Variants in DOCK4 observed in about 807,000 individuals in gnomAD.
DOCK4 encodes dedicator of cytokinesis protein 4.
In DOCK4, 97 loss-of-function variants were observed where a neutral mutation model predicts 268.1. The ratio of observed to expected loss-of-function variants is 0.36; its 90% CI spans 0.31 to 0.43. DOCK4 has a LOEUF of 0.43. Ranked by LOEUF, DOCK4 falls within the 20% of genes least tolerant of loss-of-function variation. DOCK4 has a pLI of 1.00. For missense variants in DOCK4, 2,145 were observed against 2,455.7 expected, an observed-to-expected ratio of 0.87 and a Z score of 2.67; for synonymous variants, 954 against 887.2, an observed-to-expected ratio of 1.08 and a Z score of -1.34.
intron 16 of DOCK4, among the ~76,000 whole-genome samples, chr7:111,883,500 C>G (rs1807590223): frequency 6.6e-6 from 1 of 152,138 alleles, no homozygotes; most frequent in Admixed American, 6.6e-5. Context: ...AAATTCTGCC[C>G]CTGTAAACAT....
chr7:111,960,275 A>G (rs1796763773), intron 8 of DOCK4, among the ~76,000 whole-genome samples: 3 of 151,380 alleles, frequency 2.0e-5, no homozygotes, highest in Admixed American at 1.3e-4. Flanking sequence ...GAGGCAGGAG[A>G]ATCGCTTGAA....
chr7:111,729,840 T>C (rs1794947208), intron 52 of DOCK4, among the ~76,000 whole-genome samples: 1 of 152,226 alleles, frequency 6.6e-6, no homozygotes, highest in Non-Finnish European at 1.5e-5. Flanking sequence ...TGAGCTGAAC[T>C]GGCGAACTGG....
chr7:111,836,416 A>G (rs1464844225), intron 25 of DOCK4, among the ~76,000 whole-genome samples: 1 of 152,156 alleles, frequency 6.6e-6, no homozygotes, highest in Non-Finnish European at 1.5e-5. Context: ...AAGCTCAGAT[A>G]TTTTTTAGAA....
intron 51 of DOCK4, among the ~76,000 whole-genome samples, chr7:111,732,994 G>A (rs1795206889): frequency 6.6e-6 from 1 of 152,214 alleles, no homozygotes; most frequent in Non-Finnish European, 1.5e-5. Context: ...CACTGTTCCT[G>A]TGTGCATGCT....
At chr7:112,053,294 A>C (rs1232655828) in intron 1 of DOCK4, among the ~76,000 whole-genome samples, 1 of 152,210 alleles carries the variant, frequency 6.6e-6, no homozygotes, top group Non-Finnish European at 1.5e-5. Context: ...GCAAGGTGCC[A>C]CAATCAGACT....
intron 23 of DOCK4, among the ~76,000 whole-genome samples, chr7:111,849,326 A>T (rs1177729876): frequency 6.8e-6 from 1 of 146,714 alleles, no homozygotes; most frequent in Non-Finnish European, 1.5e-5. Context: ...GCAGTGGTGC[A>T]ATCTTGGCTC....
chr7:111,821,041 A>G (rs1720394909), intron 27 of DOCK4: 1 of 152,194 alleles, frequency 6.6e-6, no homozygotes, highest in South Asian at 2.1e-4. Flanking sequence ...AACACTCTCA[A>G]TCTTCAAAAT....
intron 12 of DOCK4, among the ~76,000 whole-genome samples, chr7:111,929,372 A>C (rs924113701): frequency 6.6e-6 from 1 of 152,110 alleles, no homozygotes; most frequent in African/African-American, 2.4e-5. Context: ...TCTACAAATT[A>C]GTTGAAAAAA....
intron 1 of DOCK4, among the ~76,000 whole-genome samples, chr7:112,076,070 T>G (rs2135694906): frequency 6.6e-6 from 1 of 152,322 alleles, no homozygotes; most frequent in East Asian, 1.9e-4. Flanking sequence ...AGACCTAAAA[T>G]ATTTGTTGAC....
chr7:111,884,483 C>T (rs560102632), intron 16 of DOCK4, among the ~76,000 whole-genome samples: 1 of 152,272 alleles, frequency 6.6e-6, no homozygotes, highest in East Asian at 1.9e-4. Context: ...TTAATTCAAA[C>T]ATTTTTAATT....
At chr7:111,960,351 G>A (rs1168627026) in intron 8 of DOCK4, among the ~76,000 whole-genome samples, 10 of 147,528 alleles carry the variant, frequency 6.8e-5, no homozygotes, top group South Asian at 2.1e-4. Flanking sequence ...GCAACAGAGC[G>A]AGGCTCTGTC....
intron 1 of DOCK4, among the ~76,000 whole-genome samples, chr7:112,169,410 T>C (rs1347163970): frequency 6.6e-6 from 1 of 152,176 alleles, no homozygotes; most frequent in Admixed American, 6.5e-5. Flanking sequence ...AATGAAACTT[T>C]AAACACAAAA....
chr7:111,918,379 A>G (rs533876568), intron 12 of DOCK4, among the ~76,000 whole-genome samples: 1 of 152,292 alleles, frequency 6.6e-6, no homozygotes, highest in South Asian at 2.1e-4. Flanking sequence ...ACTCTGAGTT[A>G]GGTGACCGAT....
At chr7:111,842,355 T>G (rs1586149166) in intron 25 of DOCK4, among the ~76,000 whole-genome samples, 1 of 152,152 alleles carries the variant, frequency 6.6e-6, no homozygotes, top group Non-Finnish European at 1.5e-5. Context: ...AAAGAAAAAG[T>G]CCCAAAAAAC....
At chr7:111,927,476 T>C (rs1449161528) in intron 12 of DOCK4, among the ~76,000 whole-genome samples, 2 of 152,220 alleles carry the variant, frequency 1.3e-5, no homozygotes, top group Admixed American at 1.3e-4. Context: ...GGAGAGGGGC[T>C]TCTCCACATT....
At chr7:111,762,762 C>CTTTTTTTTTTTTTTGTTTTTTTTTTTT (rs1797509830) in intron 39 of DOCK4, among the ~76,000 whole-genome samples, 1 of 63,068 alleles carries the variant, frequency 1.6e-5, no homozygotes, top group African/African-American at 5.5e-5. Context: ...GTTTTGTTTT[C>CTTTTTTTTTTTTTTGTTTTTTTTTTTT]TTTTTTTTTT....
At chr7:111,952,842 T>A (rs1158502150) in intron 8 of DOCK4, among the ~76,000 whole-genome samples, 1 of 152,218 alleles carries the variant, frequency 6.6e-6, no homozygotes, top group Admixed American at 6.5e-5. Flanking sequence ...AACTGTCATT[T>A]TTTTTATACT....
intron 23 of DOCK4, among the ~76,000 whole-genome samples, chr7:111,853,518 C>T (rs540423750): frequency 5.1e-4 from 78 of 152,310 alleles, no homozygotes; most frequent in Admixed American, 4.1e-3. Context: ...GTCGCAAAAC[C>T]TGCAAACAAG....
At chr7:112,162,538 C>T (rs1288760270) in intron 1 of DOCK4, among the ~76,000 whole-genome samples, 2 of 150,860 alleles carry the variant, frequency 1.3e-5, no homozygotes, top group Non-Finnish European at 3.0e-5. Flanking sequence ...TCTCTCTCTC[C>T]CCCCTCTCCC....
Sources: gnomAD v4.1 joint callset for allele counts (sites outside exome capture counted in the v4.1 genomes callset) on GRCh38, gnomAD v4.1.1 for gene constraint, MANE v1.5 for transcripts, NCBI Gene and HGNC (gene_info 2026-07-23, HGNC 2026-07-21) for gene names.